Variants in PTPRD observed in about 807,000 individuals in gnomAD.
The protein encoded by PTPRD is receptor-type tyrosine-protein phosphatase delta.
Under a neutral mutation model 214.5 loss-of-function variants are expected in PTPRD, and 34 were observed. The observed-to-expected ratio is 0.16, with a 90% CI of 0.12 to 0.21. The LOEUF is 0.21. Ranked by LOEUF, PTPRD falls within the 10% of genes least tolerant of loss-of-function variation. The pLI is 1.00. For missense variants in PTPRD, 2,545 were observed against 2,398.7 expected (o/e 1.06, Z -1.27); for synonymous variants, 1,128 against 845.7 (o/e 1.33, Z -5.79).
rs138518579 is a variant in PTPRD, at chr9:8,488,200, C to T, written c.2468-1851G>A. On this transcript the variant is annotated intron_variant, in intron 27 of 45. Coordinates refer to ENST00000381196, the MANE Select transcript of PTPRD (RefSeq NM_002839.4). ...TAACCTCAGAGATGGACTGATTAGC[C>T]TCTTCATTTTGTATTTCAGAAAGTG... Among the ~76,000 whole-genome samples the T allele has an allele frequency of 3.8e-4, 58 of 152,282 alleles. No individual in the cohort carries two copies. The East Asian group carries it at 5.0e-3, about 13-fold the overall frequency.
intron 34 of PTPRD, chr9:8,437,215 C>T: frequency 6.6e-7 from 1 of 1,521,242 alleles, no homozygotes. Context: ...ATGAAGGTTA[C>T]CAGGGTAACC....
At position 9,189,960 on chromosome 9, in the gene PTPRD, T is replaced by C. The variant is rs561359150; in HGVS notation, c.-202-6597A>G. Among the ~76,000 whole-genome samples the C allele has an allele frequency of 1.6e-3, 249 of 152,150 alleles. 1 individual carries two copies. The highest frequency in any genetic ancestry group is 5.8e-3 in the African/African-American group (239 of 41,544). On this transcript the variant is annotated intron_variant, in intron 9 of 45. Transcript: ENST00000381196. ...CATGTCACTTCCATGCAGAAGACTT[T>C]AATAGCCAGTGATAATTTGCCCCTT...
At chr9:8,417,249 A>C (rs1363652746) in intron 35 of PTPRD, among the ~76,000 whole-genome samples, 2 of 152,130 alleles carry the variant, frequency 1.3e-5, no homozygotes, top group East Asian at 3.9e-4. Context: ...CTTTACTTTA[A>C]TAATTGGGAA....
chr9:8,433,093 T>G (rs1404701255), intron 35 of PTPRD, among the ~76,000 whole-genome samples: 1 of 152,204 alleles, frequency 6.6e-6, no homozygotes, highest in Non-Finnish European at 1.5e-5. Context: ...TTTATAGCCA[T>G]GTGCTGCATA....
intron 3 of PTPRD, among the ~76,000 whole-genome samples, chr9:10,282,515 C>A (rs2095170647): frequency 6.6e-6 from 1 of 152,096 alleles, no homozygotes; most frequent in Non-Finnish European, 1.5e-5. Context: ...ATATTCTAAA[C>A]TGCTGCTCTA....
intron 7 of PTPRD, among the ~76,000 whole-genome samples, chr9:9,715,244 T>C (rs1017910656): frequency 2.0e-5 from 3 of 152,212 alleles, no homozygotes; most frequent in Admixed American, 6.5e-5. Context: ...GTTCCTACTA[T>C]ATTGCGGGCA....
intron 2 of PTPRD, among the ~76,000 whole-genome samples, chr9:10,431,686 T>C (rs1307826117): frequency 6.6e-6 from 1 of 152,008 alleles, no homozygotes; most frequent in East Asian, 1.9e-4. Context: ...CATGAAAAAA[T>C]GCTCGTCATC....
intron 3 of PTPRD, among the ~76,000 whole-genome samples, chr9:10,090,079 C>A (rs996275261): frequency 1.3e-5 from 2 of 151,656 alleles, no homozygotes; most frequent in Admixed American, 1.3e-4. Flanking sequence ...GAATTATGGA[C>A]AGTTCAAAAT....
chr9:8,989,252 T>C (rs535109005), intron 11 of PTPRD, among the ~76,000 whole-genome samples: 3 of 152,144 alleles, frequency 2.0e-5, no homozygotes, highest in South Asian at 2.1e-4. Flanking sequence ...TTTTGAAATA[T>C]ACAACACACT....
intron 9 of PTPRD, among the ~76,000 whole-genome samples, chr9:9,390,904 G>T (rs899625845): frequency 1.3e-5 from 2 of 152,158 alleles, no homozygotes; most frequent in African/African-American, 4.8e-5. Flanking sequence ...AGTAATCACA[G>T]GCAAGTGTTT....
At chr9:10,157,215 C>T (rs1339067458) in intron 3 of PTPRD, among the ~76,000 whole-genome samples, 5 of 152,016 alleles carry the variant, frequency 3.3e-5, no homozygotes, top group African/African-American at 9.7e-5. Context: ...TTGGGGGTTG[C>T]TTTTTATAGT....
chr9:9,466,501 G>A (rs1164208984), intron 8 of PTPRD, among the ~76,000 whole-genome samples: 1 of 152,086 alleles, frequency 6.6e-6, no homozygotes, highest in Non-Finnish European at 1.5e-5. Context: ...TAATTTAATT[G>A]AAGCAAAGGA....
chr9:8,912,055 G>A (rs1318033690), intron 11 of PTPRD, among the ~76,000 whole-genome samples: 3 of 152,090 alleles, frequency 2.0e-5, no homozygotes, highest in Admixed American at 2.0e-4. Flanking sequence ...CATTACTAGT[G>A]GTAGTGAAAA....
At chr9:10,144,296 A>G (rs72696917) in intron 3 of PTPRD, among the ~76,000 whole-genome samples, 7,859 of 152,130 alleles carry the variant, frequency 0.052, 300 homozygotes, top group Admixed American at 0.1. Context: ...TCTGTTCCCC[A>G]TTTACTGCCC....
intron 33 of PTPRD, among the ~76,000 whole-genome samples, chr9:8,459,852 G>C (rs1445554192): frequency 6.6e-6 from 1 of 152,086 alleles, no homozygotes; most frequent in African/African-American, 2.4e-5. Flanking sequence ...TGGAATAAGA[G>C]TTAGAAGAAA....
intron 2 of PTPRD, among the ~76,000 whole-genome samples, chr9:10,556,961 T>C (rs552651172): frequency 6.6e-6 from 1 of 152,124 alleles, no homozygotes; most frequent in African/African-American, 2.4e-5. Context: ...ATCAGTTAAA[T>C]AGCAGACATC....
intron 14 of PTPRD, among the ~76,000 whole-genome samples, chr9:8,543,065 G>C (rs1018973782): frequency 6.6e-6 from 1 of 152,130 alleles, no homozygotes; most frequent in Non-Finnish European, 1.5e-5. Flanking sequence ...ATGAAATTAA[G>C]AATCTCCTTA....
intron 11 of PTPRD, among the ~76,000 whole-genome samples, chr9:8,950,702 TTTTC>T (rs941599329): frequency 6.8e-6 from 1 of 147,534 alleles, no homozygotes; most frequent in African/African-American, 2.5e-5. Context: ...AGAATTATGT[TTTTC>T]TTTTTTTTTT....
chr9:9,090,820 AATGATATCTTATTCC>A, intron 10 of PTPRD: 2 of 730,854 alleles, frequency 2.7e-6, no homozygotes. Context: ...ATGACATCTC[AATGATATCTTATTCC>A]ATTGACAATG....
Sources: gnomAD v4.1 joint callset for allele counts (sites outside exome capture counted in the v4.1 genomes callset) on GRCh38, gnomAD v4.1.1 for gene constraint, MANE v1.5 for transcripts, NCBI Gene and HGNC (gene_info 2026-07-23, HGNC 2026-07-21) for gene names.